UBE2Q2: variants seen among roughly 807,000 people sequenced by gnomAD.
UBE2Q2 encodes ubiquitin-conjugating enzyme E2 Q2.
In UBE2Q2, 54 loss-of-function variants were observed where a neutral mutation model predicts 59.9. The ratio of observed to expected loss-of-function variants is 0.90; its 90% CI spans 0.72 to 1.13. UBE2Q2 has a LOEUF of 1.13. Among genes scored for constraint, UBE2Q2 ranks in the 50% most tolerant of loss-of-function variants. The pLI, the probability that UBE2Q2 is intolerant of heterozygous loss-of-function variation, is 0.00. For missense variants in UBE2Q2, 433 were observed against 441.9 expected (o/e 0.98, Z 0.18); for synonymous variants, 165 against 155.2 (o/e 1.06, Z -0.47).
chr15:75,883,483 A>G, intron 9 of UBE2Q2, 59 bp downstream of exon 9: 1 of 1,316,228 alleles, frequency 7.6e-7, no homozygotes, highest in Non-Finnish European at 1.1e-6. Flanking sequence ...ATTTTTTTTT[A>G]TAGGGACGAG....
chr15:75,859,194 TAC>T (rs1483531324), intron 2 of UBE2Q2, among the ~76,000 whole-genome samples: 2 of 152,396 alleles, frequency 1.3e-5, no homozygotes, highest in African/African-American at 4.8e-5. Context: ...CATGGAAATT[TAC>T]AGTTATTCTT....
At chr15:75,846,729 G>A (rs558822873) in intron 1 of UBE2Q2, among the ~76,000 whole-genome samples, 29 of 152,264 alleles carry the variant, frequency 1.9e-4, no homozygotes, top group African/African-American at 7.0e-4. Context: ...TCTTTAGACA[G>A]TTCAAATATT....
chr15:75,888,210 C>G (rs749114845), intron 9 of UBE2Q2, among the ~76,000 whole-genome samples: 3 of 152,144 alleles, frequency 2.0e-5, no homozygotes, highest in Non-Finnish European at 4.4e-5. Context: ...TTCATGACTT[C>G]AAAAAGAAAC....
intron 9 of UBE2Q2, among the ~76,000 whole-genome samples, chr15:75,886,121 T>C (rs1292501421): frequency 8.7e-6 from 1 of 114,688 alleles, no homozygotes; most frequent in Non-Finnish European, 1.8e-5. Context: ...ACTATTGTGT[T>C]TTAGTTTTTT....
intron 3 of UBE2Q2, among the ~76,000 whole-genome samples, chr15:75,861,096 A>G (rs1009040292): frequency 6.6e-6 from 1 of 152,208 alleles, no homozygotes; most frequent in African/African-American, 2.4e-5. Context: ...ACCAGTAATA[A>G]TATTAGTACC....
rs1898696750 is a variant in UBE2Q2, at chr15:75,885,315, A to G, written c.884+1891A>G. Among the ~76,000 whole-genome samples the G allele has an allele frequency of 2.6e-5, 4 of 152,160 alleles. No individual in the cohort carries two copies. The East Asian group carries it at 7.8e-4, about 30-fold the overall frequency. ...GTGTTTTTAGTGGAGATGGGGTTTC[A>G]CCATGTTGGCCAGGATGGTCTCTAT... On this transcript the variant is annotated intron_variant, in intron 9 of 12. Transcript: ENST00000267938.
At chr15:75,897,295 G>C (rs1899484315) in intron 12 of UBE2Q2, among the ~76,000 whole-genome samples, 2 of 152,022 alleles carry the variant, frequency 1.3e-5, no homozygotes, top group Non-Finnish European at 2.9e-5. Flanking sequence ...CTGGAGTGCA[G>C]TGGCACTATC....
chr15:75,884,651 T>C (rs1284505705), intron 9 of UBE2Q2, among the ~76,000 whole-genome samples: 3 of 151,888 alleles, frequency 2.0e-5, no homozygotes, highest in Non-Finnish European at 4.4e-5. Context: ...TAAAGCAATA[T>C]AATTTATTTT....
chr15:75,882,550 G>T (rs1017912965), intron 8 of UBE2Q2, among the ~76,000 whole-genome samples: 7 of 152,164 alleles, frequency 4.6e-5, no homozygotes, highest in African/African-American at 1.7e-4. Flanking sequence ...AAATGAAATT[G>T]TACTTTACCA....
At chr15:75,889,094 T>C (rs554072212) in intron 9 of UBE2Q2, among the ~76,000 whole-genome samples, 1 of 152,316 alleles carries the variant, frequency 6.6e-6, no homozygotes, top group South Asian at 2.1e-4. Flanking sequence ...AATCAGTGAG[T>C]GCACATTATA....
At chr15:75,893,995 C>T (rs1899252928) in intron 11 of UBE2Q2, among the ~76,000 whole-genome samples, 1 of 152,136 alleles carries the variant, frequency 6.6e-6, no homozygotes, top group Non-Finnish European at 1.5e-5. Flanking sequence ...CAGAAAAGGA[C>T]AGTGTCATTC....
At chr15:75,848,499 A>AT (rs1896472199) in intron 1 of UBE2Q2, among the ~76,000 whole-genome samples, 1 of 152,162 alleles carries the variant, frequency 6.6e-6, no homozygotes, top group Non-Finnish European at 1.5e-5. Context: ...CAGAAGAATC[A>AT]TTGTTTTCGT....
chr15:75,865,101 A>G (rs1165547489), intron 3 of UBE2Q2, among the ~76,000 whole-genome samples: 1 of 152,244 alleles, frequency 6.6e-6, no homozygotes, highest in Non-Finnish European at 1.5e-5. Flanking sequence ...GCCAACACCT[A>G]GCCAGCACCC....
In UBE2Q2 at chr15:75,875,503, A is replaced by G. The variant is rs145249463; in HGVS notation, c.589-684A>G. Reference sequence around the variant, plus strand: ...GTGCGAACTAGACCATCTGTGTAATATTCTTGTTTGTAGTCTTATGAATGG... The same window carrying G: ...GTGCGAACTAGACCATCTGTGTAATGTTCTTGTTTGTAGTCTTATGAATGG... On this transcript the variant is annotated intron_variant, in intron 5 of 12. Coordinates refer to ENST00000267938, the MANE Select transcript of UBE2Q2 (RefSeq NM_173469.4). Among the ~76,000 whole-genome samples the G allele has an allele frequency of 3.9e-4, 60 of 152,296 alleles. 1 individual carries two copies. The East Asian group carries it at 0.011, about 28-fold the overall frequency.
intron 2 of UBE2Q2, among the ~76,000 whole-genome samples, chr15:75,858,706 C>T (rs995725759): frequency 3.3e-5 from 5 of 152,202 alleles, no homozygotes; most frequent in Admixed American, 6.5e-5. Context: ...GAGCCCCTTC[C>T]GTGCCAGAGG....
At chr15:75,874,707 T>C (rs1043586227) in intron 5 of UBE2Q2, among the ~76,000 whole-genome samples, 1 of 152,230 alleles carries the variant, frequency 6.6e-6, no homozygotes, top group Non-Finnish European at 1.5e-5. Flanking sequence ...AGTACATACC[T>C]TTTGGATGAT....
chr15:75,858,167 C>G (rs974081034), intron 2 of UBE2Q2, among the ~76,000 whole-genome samples: 8 of 152,136 alleles, frequency 5.3e-5, no homozygotes, highest in African/African-American at 1.7e-4. Flanking sequence ...TAATATTTTA[C>G]TCCCATTACT....
intron 9 of UBE2Q2, among the ~76,000 whole-genome samples, chr15:75,889,531 C>A (rs1360063597): frequency 5.9e-5 from 9 of 152,078 alleles, no homozygotes; most frequent in African/African-American, 2.2e-4. Flanking sequence ...CTTGGCAAGT[C>A]TTCTGGGGGG....
chr15:75,859,287 T>C (rs1440950117), intron 2 of UBE2Q2, among the ~76,000 whole-genome samples: 1 of 152,206 alleles, frequency 6.6e-6, no homozygotes, highest in Admixed American at 6.5e-5. Context: ...ACAGGTTTCA[T>C]TTAATCTTTA....
Sources: allele counts gnomAD v4.1 joint callset (sites outside exome capture counted in the v4.1 genomes callset), GRCh38; gene constraint gnomAD v4.1.1; transcripts MANE v1.5; gene names NCBI Gene and HGNC (gene_info 2026-07-23, HGNC 2026-07-21).